MUC6: variants seen among roughly 807,000 people sequenced by gnomAD.
MUC6 encodes the protein mucin-6.
Under a neutral mutation model 201.5 loss-of-function variants are expected in MUC6, and 188 were observed. That is an observed-to-expected ratio of 0.93 (90% CI 0.83 to 1.05). MUC6 has a LOEUF of 1.05. Among genes scored for constraint, MUC6 ranks in the 50% least tolerant of loss-of-function variants. The pLI is 0.00. For synonymous variants in MUC6, 1,228 were observed against 1,389.4 expected, an observed-to-expected ratio of 0.88 and a Z score of 2.58; for missense variants, 2,706 against 3,256.9, an observed-to-expected ratio of 0.83 and a Z score of 4.12.
In MUC6 at chr11:1,016,378, A is replaced by G. The variant is rs1856611743; in HGVS notation, c.6423T>C (p.Val2141=). The G allele has an allele frequency of 6.2e-7, 1 of 1,612,744 alleles. No homozygotes were observed. The part of the protein sequence containing the change: ...FSPSPSAPST[V]SSYVPSSHSS... ...AGTGGGAGGAGGGCACATAAGAAGA[A>G]ACAGTAGAGGGGGCAGAAGGACTGG... is the stretch of plus-strand genomic sequence containing the variant. Residue 2141 remains valine (V), a synonymous_variant, in exon 31 of 33, where the codon GTT becomes GTC. Coordinates refer to ENST00000421673, the MANE Select transcript of MUC6 (RefSeq NM_005961.3).
chr11:1,019,988 G>T (rs1312720318), intron 29 of MUC6, 102 bp downstream of exon 29: 2 of 1,395,994 alleles, frequency 1.4e-6, no homozygotes, highest in South Asian at 2.5e-5. Context: ...CTTAGTGGCA[G>T]ATGTGAGCCA....
At chr11:1,019,189 T>G (rs1856751605) in intron 30 of MUC6, 86 bp downstream of exon 30, 2 of 1,437,554 alleles carry the variant, frequency 1.4e-6, no homozygotes, top group Non-Finnish European at 1.9e-6. Flanking sequence ...TACGGGGTCT[T>G]CTTTATGGCT....
intron 14 of MUC6, 37 bp downstream of exon 14, chr11:1,028,189 G>C (rs774155489): frequency 8.4e-6 from 13 of 1,545,542 alleles, no homozygotes; most frequent in African/African-American, 1.4e-5. Flanking sequence ...GTGGGCGCTG[G>C]GGGGGCAGCC....
intron 16 of MUC6, 28 bp downstream of exon 16, chr11:1,027,657 C>T: frequency 1.3e-6 from 2 of 1,583,168 alleles, no homozygotes; most frequent in Non-Finnish European, 8.6e-7. Context: ...CCTGCCGTGA[C>T]CCCGCTTAAG....
chr11:1,013,546 G>A lies in MUC6; in HGVS notation c.7230C>T (p.Cys2410=), dbSNP rs1366270476. The stretch of plus-strand genomic sequence containing the variant: ...GCCGGCCAGGCGTGCTGGGATCGGG[G>A]CAGGGCAGCTCCAGCTGCTGCTCAT... The part of the protein sequence containing the change: ...HSYEQQLELP[C]PDPSTPGRRL... The change falls in exon 33 of 33, where the codon TGC becomes TGT. Residue 2410 remains cysteine (C), a synonymous_variant. Transcript: ENST00000421673. The A allele has an allele frequency of 1.0e-5, 16 of 1,578,302 alleles. No homozygotes were observed. Among genetic ancestry groups the A allele is most frequent in the Non-Finnish European group, 1.3e-5 (15 of 1,163,740 alleles).
intron 31 of MUC6, 114 bp downstream of exon 31, chr11:1,015,648 A>G: frequency 7.0e-7 from 1 of 1,437,046 alleles, no homozygotes. Context: ...GGCAGGGAAC[A>G]GGCGTGTGGT....
Position 1,018,132 on chromosome 11 carries a change from G to C in MUC6, c.4669C>G (p.Pro1557Ala). Residue 1557 changes from proline to alanine, a missense_variant, in exon 31 of 33, where the codon CCT becomes GCT. Physicochemically the swap from Pro to Ala is conservative, Grantham distance 27. Coordinates refer to ENST00000421673, the MANE Select transcript of MUC6 (RefSeq NM_005961.3). ...GTGGCTGAGTTGGTGTGGGCCACAG[G>C]GGTTCTGGTGCGTGTACTAGTGGGG... ...PNPTSTRTRT[P>A]VAHTNSATSS... is the part of the protein sequence containing the mutation. The C allele has an allele frequency of 1.2e-6, 2 of 1,612,846 alleles. No homozygotes were observed. Among genetic ancestry groups the C allele is most frequent in the Non-Finnish European group, 1.7e-6 (2 of 1,179,076 alleles).
chr11:1,028,050 GC>G lies in MUC6; in HGVS notation c.1762del (p.Ala588GlnfsTer9). 1 of 1,575,794 alleles carries G rather than the reference GC, an allele frequency of 6.3e-7. No homozygotes were observed. Reference sequence around the variant, plus strand: ...CAGCAGCATGGAGCAGTGGGTCTCTGCACACACCTCTGGGGATGACAGGCCC... The same window carrying G: ...CAGCAGCATGGAGCAGTGGGTCTCTGACACACCTCTGGGGATGACAGGCCC... ...CSMSQLNKVC[A>X]ETHCSMLLRT... is the part of the protein sequence containing the mutation. On this transcript the variant is annotated frameshift_variant, in exon 15 of 33. Coordinates refer to ENST00000421673, the MANE Select transcript of MUC6 (RefSeq NM_005961.3). LOFTEE classifies it high-confidence loss of function.
Position 1,016,265 on chromosome 11 carries a change from G to C in MUC6, c.6536C>G (p.Ser2179Ter). ...GGGATGAGTGGACAATGAGGAGTGT[G>C]ACCCCGAGCTCAGGGTTGTGGAGTG... ...PVHSTTLSSGSHSSLSTHPTT... is the reference protein window; with the variant it reads ...PVHSTTLSSG Residue 2179 changes from serine (S) to a stop codon, truncating the protein, a stop_gained, in exon 31 of 33, where the codon TCA (serine) becomes TGA (stop). Transcript: ENST00000421673. LOFTEE classifies it high-confidence loss of function. The C allele has an allele frequency of 6.2e-7, 1 of 1,613,116 alleles. No individual in the cohort carries two copies. The highest frequency in any genetic ancestry group is 8.5e-7 in the Non-Finnish European group (1 of 1,179,692).
intron 26 of MUC6, among the ~76,000 whole-genome samples, chr11:1,022,624 C>T (rs915678915): frequency 6.6e-6 from 1 of 152,250 alleles, no homozygotes; most frequent in African/African-American, 2.4e-5. Context: ...CCTCCTTAAG[C>T]ACCTCTCCCT....
intron 26 of MUC6, 71 bp downstream of exon 26, chr11:1,023,438 A>G: frequency 6.7e-7 from 1 of 1,491,906 alleles, no homozygotes; most frequent in Admixed American, 2.1e-5. Flanking sequence ...ATGCGTGTGA[A>G]TGAATGAATG....
At position 1,014,011 on chromosome 11, in the gene MUC6, G is replaced by C. The variant is rs751012126; in HGVS notation, c.7040-10C>G. The C allele has an allele frequency of 6.3e-7, 1 of 1,598,666 alleles. No homozygotes were observed. Among genetic ancestry groups the C allele is most frequent in the Non-Finnish European group, 8.5e-7 (1 of 1,172,902 alleles). ...CGCACACTGCAGACCCCTGGTAGCCGAGTGGACGGTCAGCAGCGCCCAGGG... is the reference window on the plus strand; with the variant it reads ...CGCACACTGCAGACCCCTGGTAGCCCAGTGGACGGTCAGCAGCGCCCAGGG... On this transcript the variant is annotated splice_polypyrimidine_tract_variant and intron_variant, in intron 31 of 32. Coordinates refer to ENST00000421673, the MANE Select transcript of MUC6 (RefSeq NM_005961.3).
intron 24 of MUC6, 124 bp from the exon 25 acceptor site, chr11:1,024,227 T>G: frequency 8.5e-7 from 1 of 1,171,326 alleles, no homozygotes; most frequent in Non-Finnish European, 1.2e-6. Flanking sequence ...TGGGACTGGG[T>G]GAGCGGCACC....
rs565924179 is a variant in MUC6 at position 1,032,800 on chromosome 11, T to TCATGTACC, written c.115+212_115+213insGGTACATG. On this transcript the variant is annotated intron_variant, in intron 2 of 32. Transcript: ENST00000421673. ...TGTGTGACGTGTGCTCATGCATGTG[T>TCATGTACC]CATGTACATGTGTATGCGTGTGTCA... 1.6e-4 allele frequency among the ~76,000 whole-genome samples: 25 copies of TCATGTACC among 151,644 alleles called. No individual in the cohort carries two copies. The South Asian group carries it at 5.2e-3, about 32-fold the overall frequency.
At position 1,016,464 on chromosome 11, in the gene MUC6, G is replaced by A; in HGVS notation, c.6337C>T (p.His2113Tyr). Residue 2113 changes from histidine to tyrosine, a missense_variant, in exon 31 of 33, where the codon CAC becomes TAC. Transcript: ENST00000421673. ...PSSPITTQLPHLSSATTPVST... is the reference protein window; with the variant it reads ...PSSPITTQLPYLSSATTPVST... Reference sequence around the variant, plus strand: ...ACAGGAGTGGTTGCAGAACTCAAGTGGGGGAGTTGTGTGGTGATAGGTGAT... The same window carrying A: ...ACAGGAGTGGTTGCAGAACTCAAGTAGGGGAGTTGTGTGGTGATAGGTGAT... 1.2e-6 allele frequency: 2 copies of A among 1,613,780 alleles called. No homozygotes were observed.
rs374952758 is a variant in MUC6 at position 1,020,081 on chromosome 11, G to C, written c.3808+9C>G. ...GCCCTCTCCATGGGCTCAGCTGGAG[G>C]CTCCTTACCTCCCGAGGAGGCTGTG... On this transcript the variant is annotated intron_variant, in intron 29 of 32. Transcript: ENST00000421673. 116 of 1,613,010 alleles carry C rather than the reference G, an allele frequency of 7.2e-5. No homozygotes were observed. Among genetic ancestry groups the C allele is most frequent in the Non-Finnish European group, 9.6e-5 (113 of 1,179,726 alleles).
At chr11:1,030,919 C>T (rs942827411) in intron 6 of MUC6, 28 bp downstream of exon 6, 3 of 1,548,498 alleles carry the variant, frequency 1.9e-6, no homozygotes, top group Non-Finnish European at 2.6e-6. Flanking sequence ...GACCTGGGGT[C>T]AGCCCCACCT....
chr11:1,028,207 T>C lies in MUC6; in HGVS notation c.1753+19A>G. On this transcript the variant is annotated intron_variant, in intron 14 of 32. Transcript: ENST00000421673. ...GGCGCTGGGGGGGCAGCCAGGGGAG[T>C]GGGGGGCCGGACACTCACTGTTGAG... 3 of 1,552,264 alleles carry C rather than the reference T, an allele frequency of 1.9e-6. No homozygotes were observed. The highest frequency in any genetic ancestry group is 1.7e-4 in the Middle Eastern group (1 of 5,828).
rs189788096 is a variant in MUC6 at position 1,024,441 on chromosome 11, C to T, written c.3226-338G>A. Among the ~76,000 whole-genome samples, 20 of 152,326 alleles carry T rather than the reference C, an allele frequency of 1.3e-4. No individual in the cohort carries two copies. In the East Asian group the frequency reaches 1.4e-3, roughly 10 times the overall value. ...GGGCCAGTGCCATGCTGTTCCCCCG[C>T]GGGGTGCCCCCATCCTCTCAGTTCT... On this transcript the variant is annotated intron_variant, in intron 24 of 32. Transcript: ENST00000421673.
Sources: allele counts gnomAD v4.1 joint callset (sites outside exome capture counted in the v4.1 genomes callset), GRCh38; gene constraint gnomAD v4.1.1; transcripts MANE v1.5; gene names NCBI Gene and HGNC (gene_info 2026-07-23, HGNC 2026-07-21).